The following GRM7 variants were observed in gnomAD, a reference collection of about 807,000 sequenced individuals.
GRM7 encodes the protein glutamate metabotropic receptor 7, also known as metabotropic glutamate receptor 7.
In GRM7, 35 loss-of-function variants were observed where a neutral mutation model predicts 84.5. The ratio of observed to expected loss-of-function variants is 0.41; its 90% CI spans 0.32 to 0.55. The LOEUF is 0.55. GRM7 is among the 20% of genes least tolerant of loss of function. The probability of loss-of-function intolerance (pLI) is 0.19; values close to 1 mark genes in which losing one functional copy is unlikely to be tolerated. For missense variants in GRM7, 1,003 were observed against 1,194.6 expected, an observed-to-expected ratio of 0.84 and a Z score of 2.36; for synonymous variants, 487 against 455.1, an observed-to-expected ratio of 1.07 and a Z score of -0.89.
intron 8 of GRM7, among the ~76,000 whole-genome samples, chr3:7,639,659 A>T (rs1843287): frequency 0.87 from 132,222 of 151,876 alleles, 57,707 homozygotes; most frequent in African/African-American, 0.94. Flanking sequence ...ATGCTACATA[A>T]GCAGCATCAC....
chr3:6,875,750 G>C (rs143000128), intron 1 of GRM7, among the ~76,000 whole-genome samples: 23 of 152,228 alleles, frequency 1.5e-4, no homozygotes, highest in Middle Eastern at 3.4e-3. Context: ...TCATGCCAGG[G>C]GTGAAGTAGG....
chr3:7,499,997 A>G (rs1575421635), intron 7 of GRM7, among the ~76,000 whole-genome samples: 1 of 152,050 alleles, frequency 6.6e-6, no homozygotes, highest in South Asian at 2.1e-4. Context: ...AATGGTCTCA[A>G]TCTCCTGACC....
At chr3:7,562,699 GA>G (rs936394984) in intron 7 of GRM7, among the ~76,000 whole-genome samples, 1 of 151,630 alleles carries the variant, frequency 6.6e-6, no homozygotes, top group African/African-American at 2.4e-5. Flanking sequence ...GATATTACAG[GA>G]AAAAAAAGAA....
intron 7 of GRM7, among the ~76,000 whole-genome samples, chr3:7,483,626 T>C (rs1699214363): frequency 6.6e-6 from 1 of 152,164 alleles, no homozygotes; most frequent in South Asian, 2.1e-4. Context: ...GTAGTGATTA[T>C]AATTAGGGAA....
chr3:7,463,705 A>C (rs1698345737), intron 7 of GRM7, among the ~76,000 whole-genome samples: 1 of 152,220 alleles, frequency 6.6e-6, no homozygotes, highest in Admixed American at 6.5e-5. Context: ...AGTGACCAGC[A>C]GGTCAGATGG....
intron 7 of GRM7, among the ~76,000 whole-genome samples, chr3:7,464,139 C>G (rs1005014810): frequency 1.3e-5 from 2 of 152,108 alleles, no homozygotes; most frequent in Admixed American, 1.3e-4. Flanking sequence ...TGCGGGAAGC[C>G]TCAATATTTG....
chr3:7,733,472 G>T (rs891620664), intron 9 of GRM7, among the ~76,000 whole-genome samples: 11 of 152,192 alleles, frequency 7.2e-5, no homozygotes, highest in African/African-American at 2.2e-4. Flanking sequence ...TGGGCCTCCA[G>T]TCCACTGCCC....
intron 1 of GRM7, among the ~76,000 whole-genome samples, chr3:6,879,696 GGAT>G (rs1273031165): frequency 6.6e-6 from 1 of 152,174 alleles, no homozygotes; most frequent in Non-Finnish European, 1.5e-5. Context: ...TAGAATAGGA[GGAT>G]AACTATGGGA....
At chr3:7,191,281 A>T (rs548772656) in intron 2 of GRM7, among the ~76,000 whole-genome samples, 1 of 152,148 alleles carries the variant, frequency 6.6e-6, no homozygotes, top group East Asian at 1.9e-4. Flanking sequence ...GAAACCCATT[A>T]TGCATCTTAT....
intron 1 of GRM7, among the ~76,000 whole-genome samples, chr3:6,915,506 G>A (rs943200331): frequency 1.3e-5 from 2 of 152,106 alleles, no homozygotes; most frequent in African/African-American, 2.4e-5. Context: ...CATTCTCAAC[G>A]TTCATCTTTT....
intron 1 of GRM7, among the ~76,000 whole-genome samples, chr3:7,128,279 G>T (rs1693468277): frequency 6.6e-6 from 1 of 151,702 alleles, no homozygotes; most frequent in African/African-American, 2.4e-5. Flanking sequence ...TAGCTGGGAA[G>T]TTATATTTTT....
chr3:7,190,724 C>T (rs965780396), intron 2 of GRM7, among the ~76,000 whole-genome samples: 17 of 151,944 alleles, frequency 1.1e-4, no homozygotes, highest in Non-Finnish European at 2.1e-4. Flanking sequence ...TTCTTAAAAT[C>T]ATGGTGTCCT....
At chr3:7,167,856 C>T (rs1215784988) in intron 2 of GRM7, among the ~76,000 whole-genome samples, 1 of 151,696 alleles carries the variant, frequency 6.6e-6, no homozygotes, top group East Asian at 1.9e-4. Context: ...GTAGTCCCTG[C>T]TACTCGGGAG....
chr3:7,014,094 T>G (rs1695480325), intron 1 of GRM7, among the ~76,000 whole-genome samples: 1 of 152,170 alleles, frequency 6.6e-6, no homozygotes, highest in Admixed American at 6.5e-5. Context: ...TACTTCTATC[T>G]TGATGCATGT....
chr3:6,958,914 C>T (rs1205540819), intron 1 of GRM7, among the ~76,000 whole-genome samples: 2 of 152,036 alleles, frequency 1.3e-5, no homozygotes, highest in Non-Finnish European at 2.9e-5. Context: ...GCATATACCA[C>T]AGCAAAAAAA....
intron 1 of GRM7, among the ~76,000 whole-genome samples, chr3:6,946,124 A>G (rs1387973269): frequency 2.0e-5 from 3 of 152,192 alleles, no homozygotes; most frequent in Non-Finnish European, 4.4e-5. Flanking sequence ...TTAGACATGA[A>G]GTACTTGCCC....
At chr3:7,009,894 G>A (rs1407232223) in intron 1 of GRM7, among the ~76,000 whole-genome samples, 1 of 152,062 alleles carries the variant, frequency 6.6e-6, no homozygotes, top group East Asian at 1.9e-4. Context: ...ACAGATTCTC[G>A]AATCAGACTC....
intron 1 of GRM7, among the ~76,000 whole-genome samples, chr3:7,102,469 G>C (rs1251256335): frequency 6.6e-6 from 1 of 151,586 alleles, no homozygotes; most frequent in East Asian, 1.9e-4. Flanking sequence ...TTTGTCTTTG[G>C]TTTTCGGGAG....
chr3:6,971,271 C>T (rs1693750880), intron 1 of GRM7, among the ~76,000 whole-genome samples: 1 of 152,040 alleles, frequency 6.6e-6, no homozygotes, highest in African/African-American at 2.4e-5. Flanking sequence ...CCATACCTAC[C>T]AATAAAAGTC....
Sources: gnomAD v4.1 joint callset for allele counts (sites outside exome capture counted in the v4.1 genomes callset) on GRCh38, gnomAD v4.1.1 for gene constraint, MANE v1.5 for transcripts, NCBI Gene and HGNC (gene_info 2026-07-23, HGNC 2026-07-21) for gene names.